Variants in ZFYVE9 observed in about 807,000 individuals in gnomAD.
ZFYVE9 encodes the protein zinc finger FYVE domain-containing protein 9.
Under a neutral mutation model 126.7 loss-of-function variants are expected in ZFYVE9, and 43 were observed. The ratio of observed to expected loss-of-function variants is 0.34; its 90% confidence interval spans 0.27 to 0.44. The LOEUF (loss-of-function observed/expected upper bound fraction) is 0.44. Among genes scored for constraint, ZFYVE9 ranks in the 20% least tolerant of loss-of-function variants. ZFYVE9 has a pLI of 1.00. For missense variants in ZFYVE9, 1,476 were observed against 1,697.0 expected (o/e 0.87, Z 2.29); for synonymous variants, 521 against 597.4 (o/e 0.87, Z 1.87).
chr1:52,316,404 G>C (rs1646185779), intron 13 of ZFYVE9, among the ~76,000 whole-genome samples: 1 of 149,798 alleles, frequency 6.7e-6, no homozygotes, highest in African/African-American at 2.5e-5. Flanking sequence ...AGAATTGCTT[G>C]AATCTGGGAG....
At chr1:52,240,682 C>A (rs1330696363) in intron 4 of ZFYVE9, among the ~76,000 whole-genome samples, 1 of 152,146 alleles carries the variant, frequency 6.6e-6, no homozygotes, top group East Asian at 1.9e-4. Context: ...AAGATAGTAT[C>A]TCAGTTCTAA....
chr1:52,186,230 ACT>A (rs1644763932), intron 1 of ZFYVE9, among the ~76,000 whole-genome samples: 1 of 147,136 alleles, frequency 6.8e-6, no homozygotes, highest in East Asian at 2.0e-4. Context: ...ACAGAGCGAG[ACT>A]CTGTCTCAAA....
At chr1:52,265,435 A>C (rs1645624636) in intron 5 of ZFYVE9, among the ~76,000 whole-genome samples, 1 of 152,200 alleles carries the variant, frequency 6.6e-6, no homozygotes, top group Non-Finnish European at 1.5e-5. Flanking sequence ...GCTTAAAAAG[A>C]GGGTGGCTTC....
At chr1:52,304,414 C>A (rs960191864) in intron 13 of ZFYVE9, among the ~76,000 whole-genome samples, 1 of 152,032 alleles carries the variant, frequency 6.6e-6, no homozygotes, top group African/African-American at 2.4e-5. Context: ...AGGCACCCGC[C>A]ACCATGCCTG....
At chr1:52,259,057 C>T (rs374256046) in intron 4 of ZFYVE9, among the ~76,000 whole-genome samples, 31 of 152,246 alleles carry the variant, frequency 2.0e-4, no homozygotes, top group African/African-American at 6.5e-4. Flanking sequence ...TTTATTATCT[C>T]ACAGTTATTA....
chr1:52,281,496 T>C (rs1396637075), intron 9 of ZFYVE9, among the ~76,000 whole-genome samples, 165 bp from the exon 10 acceptor site: 3 of 152,188 alleles, frequency 2.0e-5, no homozygotes, highest in Admixed American at 2.0e-4. Context: ...TTTTCTACAA[T>C]AGGTTTTTGG....
intron 1 of ZFYVE9, among the ~76,000 whole-genome samples, chr1:52,203,829 C>CCA (rs779709250): frequency 7.2e-5 from 11 of 152,002 alleles, no homozygotes; most frequent in East Asian, 1.9e-4. Flanking sequence ...TTTCCTCAGT[C>CCA]ATGTCCTGTC....
At chr1:52,323,956 G>A (rs1394452681) in intron 13 of ZFYVE9, among the ~76,000 whole-genome samples, 4 of 151,270 alleles carry the variant, frequency 2.6e-5, no homozygotes, top group African/African-American at 9.7e-5. Context: ...CTACTTGAGA[G>A]GCTGAGACAG....
intron 4 of ZFYVE9, chr1:52,253,626 C>T: frequency 7.3e-7 from 1 of 1,368,018 alleles, no homozygotes; most frequent in Admixed American, 1.7e-5. Flanking sequence ...AAAAAATGAC[C>T]ACACCAAACA....
intron 13 of ZFYVE9, among the ~76,000 whole-genome samples, chr1:52,311,990 T>C (rs1438204866): frequency 1.3e-5 from 2 of 151,058 alleles, no homozygotes; most frequent in African/African-American, 2.4e-5. Context: ...GGGGTTTTGC[T>C]GTGTTGGCCA....
intron 2 of ZFYVE9, among the ~76,000 whole-genome samples, chr1:52,229,275 C>A (rs187119529): frequency 6.6e-6 from 1 of 152,238 alleles, no homozygotes; most frequent in African/African-American, 2.4e-5. Context: ...GGCAAGAATA[C>A]TGTATAGGTG....
Position 52,314,398 on chromosome 1 carries a change from C to T in ZFYVE9, c.3438+10473C>T, listed in dbSNP as rs76236194. On this transcript the variant is annotated intron_variant, in intron 13 of 18. Transcript: ENST00000287727. ...TAAAAATACGTTTTAAAAATGAAGG[C>T]AGGCTGGGCGCAGTGACTCACACCC... 5.9e-5 allele frequency among the ~76,000 whole-genome samples: 9 copies of T among 152,256 alleles called. No individual in the cohort carries two copies. In the South Asian group the frequency reaches 1.9e-3, roughly 32 times the overall value.
chr1:52,300,419 G>A (rs1330387474), intron 12 of ZFYVE9, among the ~76,000 whole-genome samples: 1 of 151,792 alleles, frequency 6.6e-6, no homozygotes, highest in Non-Finnish European at 1.5e-5. Flanking sequence ...GTGTAACCCC[G>A]TCTCTACTAA....
chr1:52,143,380 T>G (rs1013480367), intron 1 of ZFYVE9, among the ~76,000 whole-genome samples: 1 of 152,258 alleles, frequency 6.6e-6, no homozygotes, highest in Non-Finnish European at 1.5e-5. Flanking sequence ...ATTTATGTTT[T>G]GTGAGAAATG....
At chr1:52,175,606 A>G (rs1644618879) in intron 1 of ZFYVE9, among the ~76,000 whole-genome samples, 4 of 151,644 alleles carry the variant, frequency 2.6e-5, no homozygotes, top group Non-Finnish European at 2.9e-5. Flanking sequence ...GTGTTTGCCA[A>G]CTTGGTTCCA....
intron 4 of ZFYVE9, chr1:52,254,314 A>G (rs1645481738): frequency 1.3e-5 from 2 of 159,270 alleles, no homozygotes; most frequent in African/African-American, 4.8e-5. Flanking sequence ...ATTTTATTGT[A>G]ATTTTGATAA....
chr1:52,262,701 A>C (rs988095415), intron 4 of ZFYVE9, among the ~76,000 whole-genome samples: 1 of 152,180 alleles, frequency 6.6e-6, no homozygotes, highest in East Asian at 1.9e-4. Flanking sequence ...AAAACTGAAG[A>C]AGTAGAATTT....
chr1:52,186,761 AG>A (rs1644769174), intron 1 of ZFYVE9, among the ~76,000 whole-genome samples: 1 of 152,218 alleles, frequency 6.6e-6, no homozygotes, highest in Non-Finnish European at 1.5e-5. Context: ...ACAGTTAACC[AG>A]GGAGGTGAAA....
chr1:52,339,374 G>A (rs1052544840), intron 16 of ZFYVE9, among the ~76,000 whole-genome samples: 1 of 151,370 alleles, frequency 6.6e-6, no homozygotes, highest in African/African-American at 2.4e-5. Flanking sequence ...TGCAACCTCC[G>A]CCTCCCAGGT....
Sources: gnomAD v4.1 joint callset for allele counts (sites outside exome capture counted in the v4.1 genomes callset) on GRCh38, gnomAD v4.1.1 for gene constraint, MANE v1.5 for transcripts, NCBI Gene and HGNC (gene_info 2026-07-23, HGNC 2026-07-21) for gene names.